UNC13A: variants seen among roughly 807,000 people sequenced by gnomAD.
UNC13A encodes the protein protein unc-13 homolog A.
A neutral mutation model predicts 219.7 loss-of-function variants in UNC13A; 61 were observed. That is an observed-to-expected ratio of 0.28 (90% confidence interval 0.23 to 0.34). UNC13A has a LOEUF of 0.34. Ranked by LOEUF, UNC13A falls within the 10% of genes least tolerant of loss-of-function variation. The pLI, the probability that UNC13A is intolerant of heterozygous loss-of-function variation, is 1.00. For missense variants in UNC13A, 1,476 were observed against 2,270.3 expected, an observed-to-expected ratio of 0.65 and a Z score of 7.11; for synonymous variants, 920 against 884.6, an observed-to-expected ratio of 1.04 and a Z score of -0.71.
At chr19:17,629,160 AG>A in intron 31 of UNC13A, 79 bp downstream of exon 31, 1 of 1,171,568 alleles carries the variant, frequency 8.5e-7, no homozygotes, top group Non-Finnish European at 1.2e-6. Context: ...CCCAGGTGTC[AG>A]GGCCCTGGGG....
chr19:17,630,189 G>A lies in UNC13A; in HGVS notation c.3625C>T (p.Pro1209Ser). The change falls in exon 30 of 44, where the codon CCC becomes TCC. Residue 1209 changes from proline (P) to serine (S), a missense_variant. Coordinates refer to ENST00000519716, the MANE Select transcript of UNC13A (RefSeq NM_001080421.3). ...TAGTGCCCCACGATCTGAGGGTCGG[G>A]ACACTCGAGTTTCTTGATGATTTCA... Reference protein sequence around the residue: ...SFEIIKKLECPDPQIVGHYMR... With the variant: ...SFEIIKKLECSDPQIVGHYMR... 1.3e-6 allele frequency: 2 copies of A among 1,552,284 alleles called. No homozygotes were observed. The highest frequency in any genetic ancestry group is 1.7e-6 in the Non-Finnish European group (2 of 1,147,180).
intron 7 of UNC13A, among the ~76,000 whole-genome samples, chr19:17,664,866 G>A (rs188953286): frequency 3.3e-5 from 5 of 152,260 alleles, no homozygotes; most frequent in Admixed American, 2.6e-4. Context: ...CACAGATACA[G>A]GGAGAGCTGT....
At chr19:17,684,510 C>T (rs760550011) in intron 1 of UNC13A, among the ~76,000 whole-genome samples, 2 of 152,248 alleles carry the variant, frequency 1.3e-5, no homozygotes, top group African/African-American at 4.8e-5. Flanking sequence ...AACCAGGTGG[C>T]ATTTACCATT....
At chr19:17,631,066 TC>T (rs2076839013) in intron 28 of UNC13A, among the ~76,000 whole-genome samples, 1 of 109,004 alleles carries the variant, frequency 9.2e-6, no homozygotes. Context: ...CTTCCCTCCC[TC>T]CCTCCCTCCT....
intron 1 of UNC13A, among the ~76,000 whole-genome samples, chr19:17,677,208 G>A (rs920342173): frequency 1.3e-4 from 19 of 151,846 alleles, no homozygotes; most frequent in Non-Finnish European, 5.9e-5. Context: ...CCCCCTCCTG[G>A]CTCTTCTCAA....
chr19:17,626,498 A>G (rs1477910596), intron 34 of UNC13A, 135 bp downstream of exon 34: 2 of 941,048 alleles, frequency 2.1e-6, no homozygotes, highest in African/African-American at 1.7e-5. Flanking sequence ...TCATGCCACC[A>G]TCTACTCAGC....
At position 17,649,394 on chromosome 19, in the gene UNC13A, T is replaced by G. The variant is rs774167421; in HGVS notation, c.1519-50A>C. Reference sequence around the variant, plus strand: ...GGGTAGAAATCAGACTACATTAGTCTCAGAGAATGCCTAGCTGGCCCCCAA... The same window carrying G: ...GGGTAGAAATCAGACTACATTAGTCGCAGAGAATGCCTAGCTGGCCCCCAA... On this transcript the variant is annotated intron_variant, in intron 13 of 43. Coordinates refer to ENST00000519716, the MANE Select transcript of UNC13A (RefSeq NM_001080421.3). The surrounding 1 kb of genome is among the most constrained non-coding windows in gnomAD (Gnocchi z 4.4). 3 of 1,612,302 alleles carry G rather than the reference T, an allele frequency of 1.9e-6. No homozygotes were observed. Among genetic ancestry groups the G allele is most frequent in the South Asian group, 2.2e-5 (2 of 90,998 alleles).
intron 6 of UNC13A, among the ~76,000 whole-genome samples, chr19:17,667,008 C>T (rs1239185113): frequency 6.6e-5 from 10 of 152,170 alleles, no homozygotes; most frequent in Non-Finnish European, 1.3e-4. Flanking sequence ...AATCCCAGCA[C>T]TTTGGGAGGC....
chr19:17,610,612 C>T (rs1257789291), intron 42 of UNC13A, among the ~76,000 whole-genome samples: 1 of 152,266 alleles, frequency 6.6e-6, no homozygotes, highest in Admixed American at 6.5e-5. Flanking sequence ...AAAAAAATCA[C>T]GTGTACTACT....
chr19:17,631,272 G>A (rs1258419897), intron 28 of UNC13A, among the ~76,000 whole-genome samples: 2 of 140,074 alleles, frequency 1.4e-5, no homozygotes, highest in Non-Finnish European at 3.1e-5. Flanking sequence ...CCAGGCTAAA[G>A]TGCAGTGGTG....
chr19:17,633,578 C>T (rs2145014344), intron 26 of UNC13A, among the ~76,000 whole-genome samples: 1 of 151,968 alleles, frequency 6.6e-6, no homozygotes, highest in South Asian at 2.1e-4. Context: ...TCCAACCATC[C>T]CTTCATCAAT....
intron 11 of UNC13A, among the ~76,000 whole-genome samples, chr19:17,653,345 T>TA (rs397707679): frequency 2.0e-5 from 3 of 150,524 alleles, no homozygotes; most frequent in Non-Finnish European, 4.4e-5. Flanking sequence ...TATATATATA[T>TA]TTTGTTTGTT....
intron 1 of UNC13A, among the ~76,000 whole-genome samples, chr19:17,678,809 G>C (rs1056585621): frequency 6.6e-6 from 1 of 152,066 alleles, no homozygotes; most frequent in Non-Finnish European, 1.5e-5. Flanking sequence ...TGACGGGATC[G>C]GGGGTGGAGG....
chr19:17,642,707 C>T (rs2076983429), intron 20 of UNC13A, 138 bp downstream of exon 20: 2 of 720,640 alleles, frequency 2.8e-6, no homozygotes, highest in Non-Finnish European at 4.5e-6. Context: ...GAGGAGTTTT[C>T]CAGGTAAAGG....
intron 19 of UNC13A, 59 bp from the exon 20 acceptor site, chr19:17,643,019 T>G: frequency 6.8e-7 from 1 of 1,466,268 alleles, no homozygotes; most frequent in Admixed American, 2.1e-5. Flanking sequence ...TGGGCAATTT[T>G]TTTTTTTTTA....
rs1396001124 is a variant in UNC13A, at chr19:17,649,426, G to A, written c.1519-82C>T. On this transcript the variant is annotated intron_variant, in intron 13 of 43. Transcript: ENST00000519716. The surrounding 1 kb of genome is among the most constrained non-coding windows in gnomAD (Gnocchi z 4.4). ...ATGCCTAGCTGGCCCCCAACCCCAG[G>A]TTGACCATGGGCAGTTCCACAGGTT... The A allele has an allele frequency of 1.9e-6, 3 of 1,613,636 alleles. No homozygotes were observed. In the East Asian group the frequency reaches 6.7e-5, roughly 36 times the overall value.
chr19:17,656,436 G>A (rs1405940785), intron 9 of UNC13A, 38 bp from the exon 10 acceptor site: 15 of 1,464,556 alleles, frequency 1.0e-5, no homozygotes, highest in East Asian at 5.0e-5. Flanking sequence ...CTGGGGTACC[G>A]AGTCACTGCC....
In UNC13A at chr19:17,655,263, G is replaced by A. The variant is rs150120566; in HGVS notation, c.1392+11C>T. On this transcript the variant is annotated intron_variant, in intron 11 of 43. Transcript: ENST00000519716. The stretch of plus-strand genomic sequence containing the variant: ...AAGTGTGGCAGGGGCATGGCTGGGC[G>A]TGTCACTCACCTCCTGCAGCTGCAT... The A allele has an allele frequency of 6.9e-4, 1,068 of 1,557,056 alleles. 4 individuals are homozygous for A. In the African/African-American group the frequency reaches 0.01, roughly 15 times the overall value.
At chr19:17,622,017 G>A (rs2061275670) in intron 36 of UNC13A, 147 bp from the exon 37 acceptor site, 1 of 742,670 alleles carries the variant, frequency 1.3e-6, no homozygotes, top group Admixed American at 2.0e-5. Flanking sequence ...GTGTGTTTGT[G>A]TGTGTGTCTG....
Sources: allele counts gnomAD v4.1 joint callset (sites outside exome capture counted in the v4.1 genomes callset), GRCh38; gene constraint gnomAD v4.1.1; non-coding constraint Gnocchi (gnomAD v3.1); transcripts MANE v1.5; gene names NCBI Gene and HGNC (gene_info 2026-07-23, HGNC 2026-07-21).